MACROD2: variants seen among roughly 807,000 people sequenced by gnomAD.
MACROD2 encodes the protein ADP-ribose glycohydrolase MACROD2.
A neutral mutation model predicts 70.4 loss-of-function variants in MACROD2; 36 were observed. The observed-to-expected ratio is 0.51, with a 90% confidence interval of 0.39 to 0.68. MACROD2 has a LOEUF of 0.68. Ranked by LOEUF, MACROD2 falls within the 30% of genes least tolerant of loss-of-function variation. The pLI, the probability that MACROD2 is intolerant of heterozygous loss-of-function variation, is 0.00. For synonymous variants in MACROD2, 172 were observed against 178.8 expected, an observed-to-expected ratio of 0.96 and a Z score of 0.30; for missense variants, 496 against 538.4, an observed-to-expected ratio of 0.92 and a Z score of 0.78.
intron 7 of MACROD2, among the ~76,000 whole-genome samples, chr20:15,479,373 CG>C (rs2047065576): frequency 6.8e-6 from 1 of 147,086 alleles, no homozygotes; most frequent in Non-Finnish European, 1.5e-5. Context: ...CCCGGGTTCA[CG>C]CCATTCTCCT....
intron 5 of MACROD2, among the ~76,000 whole-genome samples, chr20:14,754,075 A>G (rs1465904805): frequency 1.3e-5 from 2 of 152,138 alleles, no homozygotes; most frequent in Non-Finnish European, 2.9e-5. Flanking sequence ...ATACTTCCAT[A>G]AAAGTAAGCT....
intron 3 of MACROD2, among the ~76,000 whole-genome samples, chr20:14,233,379 C>G (rs1470048473): frequency 1.3e-5 from 2 of 152,012 alleles, no homozygotes; most frequent in African/African-American, 4.8e-5. Context: ...TGAGGTATGC[C>G]TGACTTATTT....
At chr20:16,005,744 C>T (rs1411280492) in intron 15 of MACROD2, among the ~76,000 whole-genome samples, 1 of 152,150 alleles carries the variant, frequency 6.6e-6, no homozygotes, top group African/African-American at 2.4e-5. Flanking sequence ...TCACCAAGCA[C>T]AGTTGTTGTT....
chr20:14,587,103 T>C (rs1387074712), intron 4 of MACROD2, among the ~76,000 whole-genome samples: 2 of 151,944 alleles, frequency 1.3e-5, no homozygotes, highest in African/African-American at 4.8e-5. Flanking sequence ...TGTGTCTTTT[T>C]AATAGCTTTT....
intron 3 of MACROD2, among the ~76,000 whole-genome samples, chr20:14,274,528 A>G (rs1194950973): frequency 6.6e-6 from 1 of 152,178 alleles, no homozygotes; most frequent in African/African-American, 2.4e-5. Context: ...TGACAAACCC[A>G]CAGCCAATAT....
intron 8 of MACROD2, among the ~76,000 whole-genome samples, chr20:15,602,451 C>T (rs2048835007): frequency 6.6e-6 from 1 of 151,142 alleles, no homozygotes; most frequent in Admixed American, 6.6e-5. Context: ...AAGAGCGCTT[C>T]CTCATTATCT....
chr20:14,342,858 T>G (rs2083028618), intron 3 of MACROD2, among the ~76,000 whole-genome samples: 1 of 151,698 alleles, frequency 6.6e-6, no homozygotes, highest in African/African-American at 2.4e-5. Context: ...AAAATCAGAG[T>G]GGTTATTTCC....
intron 3 of MACROD2, among the ~76,000 whole-genome samples, chr20:14,343,316 A>G (rs1601511396): frequency 6.6e-6 from 1 of 152,106 alleles, no homozygotes; most frequent in East Asian, 1.9e-4. Context: ...AATCATTTCT[A>G]TATGATACTT....
intron 5 of MACROD2, among the ~76,000 whole-genome samples, chr20:14,848,319 A>T (rs1220303673): frequency 6.6e-6 from 1 of 152,156 alleles, no homozygotes; most frequent in Non-Finnish European, 1.5e-5. Context: ...CCTATTTATA[A>T]AACTGTATCT....
chr20:14,020,627 CCTT>C (rs1569118896), intron 2 of MACROD2, among the ~76,000 whole-genome samples: 1 of 152,068 alleles, frequency 6.6e-6, no homozygotes, highest in Non-Finnish European at 1.5e-5. Flanking sequence ...CAGATTTCTC[CCTT>C]CTTCTGGGTT....
At chr20:15,431,485 AAAT>A in intron 7 of MACROD2, 50 bp downstream of exon 7, 1 of 1,535,034 alleles carries the variant, frequency 6.5e-7, no homozygotes, top group African/African-American at 1.4e-5. Flanking sequence ...TTTTGCTGTT[AAAT>A]GCAGAGATTC....
At chr20:14,945,518 T>C (rs994170506) in intron 5 of MACROD2, among the ~76,000 whole-genome samples, 2 of 152,208 alleles carry the variant, frequency 1.3e-5, no homozygotes, top group Non-Finnish European at 2.9e-5. Context: ...CACTTCATTG[T>C]ATCATCTTCT....
intron 5 of MACROD2, among the ~76,000 whole-genome samples, chr20:15,006,141 A>ATATATG (rs141289169): frequency 2.8e-4 from 37 of 134,364 alleles, no homozygotes; most frequent in African/African-American, 9.3e-4. Context: ...ATATATATAT[A>ATATATG]TGTGTGTGTG....
Position 15,117,273 on chromosome 20 carries a change from T to C in MACROD2, c.419-112667T>C, listed in dbSNP as rs149413026. Among the ~76,000 whole-genome samples, 3 of 152,320 alleles carry C rather than the reference T, an allele frequency of 2.0e-5. No individual in the cohort carries two copies. The East Asian group carries it at 5.8e-4, about 29-fold the overall frequency. The stretch of plus-strand genomic sequence containing the variant: ...AAGTTCAGTGGGTTTTGCTTTGTTC[T>C]AGGGCCAATTTTAGCTTCCTTATTA... On this transcript the variant is annotated intron_variant, in intron 5 of 17. Transcript: ENST00000684519.
rs79482050 is a variant in MACROD2, at chr20:15,205,348, A to G, written c.419-24592A>G. The stretch of plus-strand genomic sequence containing the variant: ...GATCATACTGTTAAAGTGTGAGTCC[A>G]AGTAAACCCAAAAACTAAATCACAC... On this transcript the variant is annotated intron_variant, in intron 5 of 17. Coordinates refer to ENST00000684519, the MANE Select transcript of MACROD2 (RefSeq NM_001351661.2). Among the ~76,000 whole-genome samples, 371 of 152,250 alleles carry G rather than the reference A, an allele frequency of 2.4e-3. 2 individuals are homozygous for G. The highest frequency in any genetic ancestry group is 8.5e-3 in the African/African-American group (352 of 41,568).
At chr20:14,155,269 A>G (rs2055085531) in intron 3 of MACROD2, among the ~76,000 whole-genome samples, 1 of 152,250 alleles carries the variant, frequency 6.6e-6, no homozygotes, top group South Asian at 2.1e-4. Context: ...GTAATCATAA[A>G]TATATCTGTA....
chr20:15,728,899 T>C (rs2050903169), intron 8 of MACROD2, among the ~76,000 whole-genome samples: 1 of 152,156 alleles, frequency 6.6e-6, no homozygotes. Context: ...TCAATTCTGA[T>C]TTTGGTTATT....
At chr20:14,390,033 A>C (rs980925510) in intron 3 of MACROD2, among the ~76,000 whole-genome samples, 1 of 152,222 alleles carries the variant, frequency 6.6e-6, no homozygotes, top group African/African-American at 2.4e-5. Flanking sequence ...TAAGCTGATA[A>C]AAAACTTCAA....
chr20:15,412,619 C>T (rs2146326606), intron 6 of MACROD2, among the ~76,000 whole-genome samples: 1 of 152,276 alleles, frequency 6.6e-6, no homozygotes, highest in East Asian at 1.9e-4. Context: ...TTCTCTGGAA[C>T]TGTAGCAGAG....
Sources: gnomAD v4.1 joint callset for allele counts (sites outside exome capture counted in the v4.1 genomes callset) on GRCh38, gnomAD v4.1.1 for gene constraint, MANE v1.5 for transcripts, NCBI Gene and HGNC (gene_info 2026-07-23, HGNC 2026-07-21) for gene names.